PRELID2: variants seen among roughly 807,000 people sequenced by gnomAD.
PRELID2 encodes PRELI domain containing 2.
PRELID2 carries 25 observed loss-of-function variants against 28.4 expected under a neutral mutation model. That is an observed-to-expected ratio of 0.88 (90% CI 0.64 to 1.23). The LOEUF (loss-of-function observed/expected upper bound fraction) is 1.23. Ranked by LOEUF, PRELID2 falls within the 50% of genes most tolerant of loss-of-function variation. The pLI, the probability that PRELID2 is intolerant of heterozygous loss-of-function variation, is 0.00. For synonymous variants in PRELID2, 76 were observed against 71.6 expected (o/e 1.06, Z -0.31); for missense variants, 201 against 214.4 (o/e 0.94, Z 0.39).
the PRELID2 span, among the ~76,000 whole-genome samples, chr5:145,262,478 ATAGCAGATTTCT>A: frequency 1.4e-3 from 216 of 152,314 alleles, no homozygotes; most frequent in African/African-American, 5.1e-3. Context: ...TATCAGATTA[ATAGCAGATTTCT>A]TAGCAGAAAC....
At chr5:145,279,012 A>G in the PRELID2 span, among the ~76,000 whole-genome samples, 1 of 152,148 alleles carries the variant, frequency 6.6e-6, no homozygotes, top group Non-Finnish European at 1.5e-5. Context: ...GTGCAGAGTA[A>G]CAGGAGCCGG....
At chr5:145,653,858 C>G (rs1754343167) in intron 1 of PRELID2, among the ~76,000 whole-genome samples, 1 of 152,146 alleles carries the variant, frequency 6.6e-6, no homozygotes, top group Non-Finnish European at 1.5e-5. Flanking sequence ...CAAGAGCAAA[C>G]ACATTCAAAA....
chr5:145,403,633 T>C, the PRELID2 span, among the ~76,000 whole-genome samples: 231 of 152,342 alleles, frequency 1.5e-3, 7 homozygotes, highest in East Asian at 0.037. Context: ...GGGTTTGCTA[T>C]GTACCAGGAG....
chr5:145,609,327 G>A (rs1381629032), intron 1 of PRELID2, among the ~76,000 whole-genome samples: 1 of 152,236 alleles, frequency 6.6e-6, no homozygotes, highest in Non-Finnish European at 1.5e-5. Flanking sequence ...TTGGAGGTAA[G>A]AAAATATTCT....
the PRELID2 span, among the ~76,000 whole-genome samples, chr5:145,426,302 C>T: frequency 1.3e-5 from 2 of 151,914 alleles, no homozygotes; most frequent in African/African-American, 2.4e-5. Context: ...TTCCTTCAGA[C>T]GTTAAATTTT....
the PRELID2 span, among the ~76,000 whole-genome samples, chr5:145,436,467 G>A: frequency 6.6e-5 from 10 of 152,044 alleles, no homozygotes; most frequent in African/African-American, 2.4e-4. Context: ...GGGATTGCTG[G>A]GTAGAATAGT....
At chr5:145,269,305 G>T in the PRELID2 span, among the ~76,000 whole-genome samples, 1 of 152,142 alleles carries the variant, frequency 6.6e-6, no homozygotes, top group Non-Finnish European at 1.5e-5. Context: ...TAAGCAAATA[G>T]ATCATTGAAA....
chr5:145,312,524 C>A, the PRELID2 span, among the ~76,000 whole-genome samples: 1 of 152,144 alleles, frequency 6.6e-6, no homozygotes, highest in African/African-American at 2.4e-5. Context: ...TACTCTCACC[C>A]TCAGCCCTTG....
intron 1 of PRELID2, among the ~76,000 whole-genome samples, chr5:145,664,365 A>G (rs1425010578): frequency 6.6e-6 from 1 of 152,148 alleles, no homozygotes; most frequent in African/African-American, 2.4e-5. Context: ...ACAAGACTAT[A>G]CTAAGAAGCA....
chr5:145,820,423 G>A (rs1165802999), intron 2 of PRELID2, among the ~76,000 whole-genome samples: 3 of 151,296 alleles, frequency 2.0e-5, no homozygotes, highest in East Asian at 1.9e-4. Context: ...ACAACCGTTC[G>A]CTGCTCTGGA....
chr5:145,403,359 G>A, the PRELID2 span, among the ~76,000 whole-genome samples: 1 of 152,132 alleles, frequency 6.6e-6, no homozygotes, highest in South Asian at 2.1e-4. Flanking sequence ...GCAACATAGT[G>A]AGACCCCATT....
intron 1 of PRELID2, among the ~76,000 whole-genome samples, chr5:145,642,394 C>A (rs1168982729): frequency 6.6e-6 from 1 of 152,068 alleles, no homozygotes; most frequent in Non-Finnish European, 1.5e-5. Flanking sequence ...TATTTAAGTT[C>A]TTTGTAGATT....
chr5:145,640,160 G>C (rs1754075073), intron 1 of PRELID2, among the ~76,000 whole-genome samples: 1 of 152,282 alleles, frequency 6.6e-6, no homozygotes, highest in South Asian at 2.1e-4. Flanking sequence ...ACTTGGAAAG[G>C]TGAAACCCCG....
intron 1 of PRELID2, among the ~76,000 whole-genome samples, chr5:145,620,837 AC>A (rs1423503502): frequency 3.3e-5 from 5 of 151,986 alleles, no homozygotes; most frequent in Admixed American, 1.3e-4. Flanking sequence ...ACACACACAC[AC>A]ACACAAAATT....
the PRELID2 span, among the ~76,000 whole-genome samples, chr5:145,376,947 CT>C: frequency 2.0e-5 from 3 of 151,854 alleles, no homozygotes; most frequent in Non-Finnish European, 2.9e-5. Flanking sequence ...TGTGTTTGCT[CT>C]TGGTTATCTA....
intron 1 of PRELID2, among the ~76,000 whole-genome samples, chr5:145,541,337 A>G (rs1250013718): frequency 6.6e-6 from 1 of 152,102 alleles, no homozygotes; most frequent in Non-Finnish European, 1.5e-5. Flanking sequence ...TAATCCTTAT[A>G]GCAACATTAT....
intron 1 of PRELID2, among the ~76,000 whole-genome samples, chr5:145,830,918 A>C (rs560967966): frequency 6.6e-6 from 1 of 152,340 alleles, no homozygotes; most frequent in African/African-American, 2.4e-5. Flanking sequence ...CAAAAGCCAT[A>C]GATCAGTAGA....
chr5:145,592,473 TACAC>T (rs35879187), intron 1 of PRELID2, among the ~76,000 whole-genome samples: 4 of 149,498 alleles, frequency 2.7e-5, no homozygotes, highest in East Asian at 2.0e-4. Context: ...CACACATACA[TACAC>T]ACACACACAC....
chr5:145,584,225 T>G (rs1753132805), intron 1 of PRELID2, among the ~76,000 whole-genome samples: 1 of 152,150 alleles, frequency 6.6e-6, no homozygotes, highest in Non-Finnish European at 1.5e-5. Flanking sequence ...CTAGGAGAAC[T>G]GGCTAACCAT....
Sources: gnomAD v4.1 joint callset for allele counts (sites outside exome capture counted in the v4.1 genomes callset) on GRCh38, gnomAD v4.1.1 for gene constraint, MANE v1.5 for transcripts, NCBI Gene and HGNC (gene_info 2026-07-23, HGNC 2026-07-21) for gene names.